The following CFAP74 variants were observed in gnomAD, a reference collection of about 807,000 sequenced individuals.
CFAP74 encodes the protein cilia and flagella associated protein 74.
Under a neutral mutation model 188.9 loss-of-function variants are expected in CFAP74, and 124 were observed. That is an observed-to-expected ratio of 0.66 (90% CI 0.57 to 0.76). The LOEUF is 0.76. Ranked by LOEUF, CFAP74 falls within the 30% of genes least tolerant of loss-of-function variation. The pLI is 0.00. For synonymous variants in CFAP74, 956 were observed against 916.7 expected (o/e 1.04, Z -0.77); for missense variants, 2,198 against 2,165.2 (o/e 1.02, Z -0.30).
At chr1:1,983,453 C>T (rs1031891344) in intron 6 of CFAP74, among the ~76,000 whole-genome samples, 8 of 152,364 alleles carry the variant, frequency 5.3e-5, no homozygotes, top group Middle Eastern at 3.4e-3. Flanking sequence ...CCAGGGGCAT[C>T]GAGCACGGGC....
At chr1:1,972,845 TA>T in intron 8 of CFAP74, 91 bp downstream of exon 8, 1 of 892,412 alleles carries the variant, frequency 1.1e-6, no homozygotes. Context: ...CCATCTTAAA[TA>T]AATAAATAAT....
At chr1:1,993,115 T>G (rs1363604366) in intron 1 of CFAP74, among the ~76,000 whole-genome samples, 6 of 148,220 alleles carry the variant, frequency 4.0e-5, no homozygotes, top group Admixed American at 1.4e-4. Flanking sequence ...GCCCGAGAAT[T>G]GCTTGAGCCC....
intron 27 of CFAP74, among the ~76,000 whole-genome samples, chr1:1,928,123 G>A (rs1243301629): frequency 6.6e-6 from 1 of 151,986 alleles, no homozygotes; most frequent in Non-Finnish European, 1.5e-5. Flanking sequence ...AAACCCTTGG[G>A]AGGAAGCCAG....
chr1:1,934,896 C>A (rs61775027), intron 25 of CFAP74, among the ~76,000 whole-genome samples: 1 of 71,700 alleles, frequency 1.4e-5, no homozygotes. Context: ...GTTGTAGGTA[C>A]ACACGTGTGT....
chr1:1,927,051 C>T lies in CFAP74; in HGVS notation c.3528-23G>A, dbSNP rs1362673810. The T allele has an allele frequency of 7.1e-6, 11 of 1,549,702 alleles. No homozygotes were observed. In the African/African-American group the frequency reaches 8.2e-5, roughly 12 times the overall value. On this transcript the variant is annotated intron_variant, in intron 28 of 38. Transcript: ENST00000682832. ...GAACTAGAAGGAAGTCAGAGGCTTG[C>T]GCTCCCGCCTTGCCCCCACCCACCA...
intron 32 of CFAP74, 121 bp downstream of exon 32, chr1:1,926,107 T>C (rs1001935978): frequency 1.4e-5 from 20 of 1,424,238 alleles, no homozygotes; most frequent in Non-Finnish European, 1.9e-5. Flanking sequence ...GCCAGGCTGC[T>C]CGCAGACCCA....
rs1655661294 is a variant in CFAP74, at chr1:1,968,748, T to G, written c.1132A>C (p.Lys378Gln). The change falls in exon 11 of 39, where the codon AAA (lysine) becomes CAA (glutamine). Residue 378 changes from lysine to glutamine, a missense_variant. Coordinates refer to ENST00000682832, the MANE Select transcript of CFAP74 (RefSeq NM_001304360.2). The surrounding 1 kb of genome is among the most constrained non-coding windows in gnomAD (Gnocchi z 4.3). ...KEEAEEEKRKKQHPPTSARHR... is the reference protein window; with the variant it reads ...KEEAEEEKRKQQHPPTSARHR... ...CTGGCACTGGTGGGGGGATGCTGTTTCTTCCTCTTTTCCTCCTCAGCCTCC... is the reference window on the plus strand; with the variant it reads ...CTGGCACTGGTGGGGGGATGCTGTTGCTTCCTCTTTTCCTCCTCAGCCTCC... 1.9e-6 allele frequency: 3 copies of G among 1,613,992 alleles called. No individual in the cohort carries two copies. Among genetic ancestry groups the G allele is most frequent in the Middle Eastern group, 1.6e-4 (1 of 6,082 alleles).
At chr1:2,001,338 T>G (rs548655632) in intron 1 of CFAP74, among the ~76,000 whole-genome samples, 4 of 151,872 alleles carry the variant, frequency 2.6e-5, no homozygotes, top group Admixed American at 2.6e-4. Context: ...CATTTTGTTT[T>G]TTTTTTTTTG....
chr1:1,936,396 T>C (rs1652899438), intron 25 of CFAP74, among the ~76,000 whole-genome samples: 2 of 149,738 alleles, frequency 1.3e-5, no homozygotes, highest in East Asian at 2.0e-4. Flanking sequence ...ATACAAAAAT[T>C]AGCTGGGCGT....
Position 1,988,894 on chromosome 1 carries a change from G to T in CFAP74, c.147C>A (p.His49Gln). 6.6e-7 allele frequency: 1 copy of T among 1,513,442 alleles called. No homozygotes were observed. The highest frequency in any genetic ancestry group is 1.1e-5 in the South Asian group (1 of 88,532). The allele number at this position is 1,513,442 out of a possible 1,614,324, so 93.8% of individuals were successfully genotyped here. A position where few individuals can be genotyped will look rare whatever the true frequency, so the allele number is the denominator to read the frequency against. The part of the protein sequence containing the change: ...QEAEDDVDPG[H>Q]SSSVKELDTD... ...CCCCCGATCCTCCGAGTTACCTGCTGTGTCCCGGGTCCACGTCATCCTCAG... is the reference window on the plus strand; with the variant it reads ...CCCCCGATCCTCCGAGTTACCTGCTTTGTCCCGGGTCCACGTCATCCTCAG... Residue 49 changes from histidine to glutamine, a missense_variant, in exon 3 of 39, where the codon CAC becomes CAA. Transcript: ENST00000682832.
At chr1:1,944,974 C>T (rs1364034478) in intron 20 of CFAP74, among the ~76,000 whole-genome samples, 8 of 152,194 alleles carry the variant, frequency 5.3e-5, no homozygotes, top group African/African-American at 2.4e-5. Flanking sequence ...CAAGTACCTA[C>T]CAGTCAGCTT....
chr1:1,998,555 T>C (rs536008368), intron 1 of CFAP74, among the ~76,000 whole-genome samples: 1 of 152,232 alleles, frequency 6.6e-6, no homozygotes, highest in Middle Eastern at 3.4e-3. Flanking sequence ...CAATTTTCCA[T>C]AATAAAAGTT....
chr1:1,932,086 A>C (rs968753141), intron 25 of CFAP74, among the ~76,000 whole-genome samples: 7 of 45,690 alleles, frequency 1.5e-4, no homozygotes, highest in Admixed American at 1.4e-3. Flanking sequence ...AAAACAAAAA[A>C]CAAAAAACAA....
chr1:1,942,244 G>C lies in CFAP74; in HGVS notation c.2487-88C>G. The C allele has an allele frequency of 7.6e-7, 1 of 1,313,790 alleles. No homozygotes were observed. The highest frequency in any genetic ancestry group is 9.8e-7 in the Non-Finnish European group (1 of 1,018,026). The allele number at this position is 1,313,790 out of a possible 1,614,324, so 81.4% of individuals were successfully genotyped here. On this transcript the variant is annotated intron_variant, in intron 21 of 38. Transcript: ENST00000682832. The surrounding 1 kb of genome is among the most constrained non-coding windows in gnomAD (Gnocchi z 4.3). The stretch of plus-strand genomic sequence containing the variant: ...GCCTGGAGTTATTAAAACATTTCTG[G>C]CACCCAAGCCCCCGAGAGGTGCTCA...
intron 25 of CFAP74, 135 bp from the exon 26 acceptor site, chr1:1,930,471 G>A (rs1282568586): frequency 3.8e-5 from 31 of 823,372 alleles, no homozygotes; most frequent in Non-Finnish European, 4.9e-5. Flanking sequence ...GCTGCCCAGG[G>A]GGTCACTGCG....
intron 27 of CFAP74, chr1:1,928,071 C>T (rs1331836816): frequency 2.4e-6 from 1 of 409,122 alleles, no homozygotes; most frequent in African/African-American, 2.1e-5. Flanking sequence ...CAAGTGCTTC[C>T]CCTCGAGTGC....
Position 1,959,208 on chromosome 1 carries a change from A to G in CFAP74, c.1763T>C (p.Ile588Thr). 6.2e-7 allele frequency: 1 copy of G among 1,602,806 alleles called. No homozygotes were observed. Among genetic ancestry groups the G allele is most frequent in the Admixed American group, 1.7e-5 (1 of 59,984 alleles). ...GATATTTCCTTCTAGATCCTTGTTT[A>G]TCTAAAACATAAAACAACCCCCACC... ...CEVLVTFKPM[I>T]NKDLEGNISF... The change falls in exon 16 of 39, where the codon ATA (isoleucine) becomes ACA (threonine). Residue 588 changes from isoleucine (I) to threonine (T), a missense_variant and splice_region_variant. Coordinates refer to ENST00000682832, the MANE Select transcript of CFAP74 (RefSeq NM_001304360.2).
chr1:1,991,806 A>C (rs146074182), intron 1 of CFAP74, among the ~76,000 whole-genome samples: 5 of 152,010 alleles, frequency 3.3e-5, no homozygotes, highest in Non-Finnish European at 7.4e-5. Flanking sequence ...TTGGGAGGCC[A>C]AGGTGGGCGG....
chr1:2,001,596 G>A (rs2376807), intron 1 of CFAP74, among the ~76,000 whole-genome samples: 87,243 of 152,166 alleles, frequency 0.57, 27,892 homozygotes, highest in African/African-American at 0.87. Flanking sequence ...AAAGTGCTGG[G>A]ATTACAGGCG....
Sources: allele counts gnomAD v4.1 joint callset (sites outside exome capture counted in the v4.1 genomes callset), GRCh38; gene constraint gnomAD v4.1.1; non-coding constraint Gnocchi (gnomAD v3.1); transcripts MANE v1.5; gene names NCBI Gene and HGNC (gene_info 2026-07-23, HGNC 2026-07-21).